CACHD1: variants seen among roughly 807,000 people sequenced by gnomAD.
CACHD1 encodes the protein cache domain containing 1, also known as VWFA and cache domain-containing protein 1.
Under a neutral mutation model 138.7 loss-of-function variants are expected in CACHD1, and 71 were observed. That is an observed-to-expected ratio of 0.51 (90% CI 0.42 to 0.62). The LOEUF is 0.62. CACHD1 is among the 20% of genes least tolerant of loss of function. The pLI, the probability that CACHD1 is intolerant of heterozygous loss-of-function variation, is 0.00. For synonymous variants in CACHD1, 578 were observed against 591.5 expected (o/e 0.98, Z 0.33); for missense variants, 1,389 against 1,625.3 (o/e 0.85, Z 2.50).
chr1:64,604,193 T>C (rs943628567), intron 4 of CACHD1, among the ~76,000 whole-genome samples: 1 of 152,172 alleles, frequency 6.6e-6, no homozygotes, highest in South Asian at 2.1e-4. Flanking sequence ...GAATAAGCTG[T>C]AAGTTGCATG....
chr1:64,515,886 CCTT>C (rs1646455651), intron 1 of CACHD1, among the ~76,000 whole-genome samples: 2 of 152,110 alleles, frequency 1.3e-5, no homozygotes, highest in South Asian at 4.1e-4. Flanking sequence ...TGACTTGACT[CCTT>C]CTTTTGCCTA....
At chr1:64,643,069 A>AAAAAAAC (rs1648779810) in intron 8 of CACHD1, among the ~76,000 whole-genome samples, 1 of 111,704 alleles carries the variant, frequency 9.0e-6, no homozygotes. Context: ...AAAAAAAAAA[A>AAAAAAAC]AAGCCATGTC....
At chr1:64,595,463 A>G (rs1023369921) in intron 3 of CACHD1, among the ~76,000 whole-genome samples, 1 of 152,162 alleles carries the variant, frequency 6.6e-6, no homozygotes, top group Admixed American at 6.5e-5. Flanking sequence ...TCAAGTCCCT[A>G]TTAGAGGTCA....
chr1:64,491,981 C>T (rs1161089070), intron 1 of CACHD1, among the ~76,000 whole-genome samples: 1 of 151,848 alleles, frequency 6.6e-6, no homozygotes. Flanking sequence ...CAGTGAGACA[C>T]TAGCTTTGCT....
chr1:64,487,286 G>T (rs1646248262), intron 1 of CACHD1, among the ~76,000 whole-genome samples: 1 of 152,132 alleles, frequency 6.6e-6, no homozygotes, highest in South Asian at 2.1e-4. Context: ...CCTCAGGCTG[G>T]TTTTGCCTGT....
At chr1:64,545,007 A>G (rs1291234053) in intron 1 of CACHD1, among the ~76,000 whole-genome samples, 1 of 151,932 alleles carries the variant, frequency 6.6e-6, no homozygotes, top group East Asian at 1.9e-4. Context: ...TTGCTAGGTG[A>G]CTCTTCAGTT....
Position 64,679,761 on chromosome 1 carries a change from G to A in CACHD1, c.3406+5G>A. 6.2e-7 allele frequency: 1 copy of A among 1,613,096 alleles called. No individual in the cohort carries two copies. The highest frequency in any genetic ancestry group is 1.3e-5 in the African/African-American group (1 of 75,020). ...TGTCTCCTCTTGCTGCCCAAGGTGA[G>A]CTCAAAATGAACCCCACAGGGGAGG... On this transcript the variant is annotated splice_donor_5th_base_variant and intron_variant, in intron 24 of 26. Transcript: ENST00000651257.
Position 64,666,063 on chromosome 1 carries a change from C to T in CACHD1, c.2283C>T (p.Leu761=). 6.3e-7 allele frequency: 1 copy of T among 1,585,156 alleles called. No individual in the cohort carries two copies. Among genetic ancestry groups the T allele is most frequent in the Non-Finnish European group, 8.6e-7 (1 of 1,156,178 alleles). The change falls in exon 16 of 27, where the codon CTC becomes CTT. Residue 761 remains leucine (L), a synonymous_variant. Transcript: ENST00000651257. The stretch of plus-strand genomic sequence containing the variant: ...TTTCTTTGGTCTCCATTAGGTATCT[C>T]CATGCAGTAGCTAATCCAGGGTTGA... The part of the protein sequence containing the change: ...AFDPTRRQWY[L]HAVANPGLIS...
chr1:64,492,166 T>G (rs1210830336), intron 1 of CACHD1, among the ~76,000 whole-genome samples: 1 of 151,334 alleles, frequency 6.6e-6, no homozygotes, highest in East Asian at 2.0e-4. Context: ...AAAAAAATTG[T>G]TTTCATCTAG....
chr1:64,503,470 G>A (rs1189735997), intron 1 of CACHD1, among the ~76,000 whole-genome samples: 1 of 152,146 alleles, frequency 6.6e-6, no homozygotes, highest in Admixed American at 6.5e-5. Context: ...AATCATCTTT[G>A]TTCATACAAA....
chr1:64,665,738 C>T (rs12046697), intron 15 of CACHD1, among the ~76,000 whole-genome samples: 2 of 151,902 alleles, frequency 1.3e-5, no homozygotes, highest in Non-Finnish European at 2.9e-5. Context: ...ATGACTTGGC[C>T]GGGTGCGGTG....
At chr1:64,521,387 T>C (rs1646497187) in intron 1 of CACHD1, among the ~76,000 whole-genome samples, 1 of 152,222 alleles carries the variant, frequency 6.6e-6, no homozygotes, top group South Asian at 2.1e-4. Context: ...GTTCATGTAA[T>C]TAGTTTAGGC....
At chr1:64,625,592 A>G (rs376487811) in intron 4 of CACHD1, among the ~76,000 whole-genome samples, 4 of 151,504 alleles carry the variant, frequency 2.6e-5, no homozygotes, top group African/African-American at 9.7e-5. Context: ...GCACCACTGC[A>G]CTCCAGCCTG....
At chr1:64,562,602 T>C (rs1235014293) in intron 2 of CACHD1, among the ~76,000 whole-genome samples, 1 of 149,754 alleles carries the variant, frequency 6.7e-6, no homozygotes, top group African/African-American at 2.5e-5. Context: ...TTTTGTATTT[T>C]AGTAGAGATG....
chr1:64,488,653 C>T (rs1021301076), intron 1 of CACHD1, among the ~76,000 whole-genome samples: 1 of 152,174 alleles, frequency 6.6e-6, no homozygotes, highest in Non-Finnish European at 1.5e-5. Flanking sequence ...AGTTACAAGA[C>T]TGAGATCAAA....
chr1:64,566,484 C>CCCCG (rs1285028508), intron 2 of CACHD1, among the ~76,000 whole-genome samples: 8 of 141,994 alleles, frequency 5.6e-5, no homozygotes, highest in Non-Finnish European at 1.1e-4. Flanking sequence ...TCAATTCCCC[C>CCCCG]CCCCCCACAA....
intron 13 of CACHD1, among the ~76,000 whole-genome samples, chr1:64,660,677 C>T (rs1332124088): frequency 6.6e-6 from 1 of 151,946 alleles, no homozygotes; most frequent in South Asian, 2.1e-4. Context: ...ATTACAGTTG[C>T]GCACCACCAC....
chr1:64,565,938 G>A (rs761207613), intron 2 of CACHD1, among the ~76,000 whole-genome samples: 5 of 152,200 alleles, frequency 3.3e-5, no homozygotes, highest in East Asian at 3.9e-4. Context: ...TCAGCATTAC[G>A]TATTGAATGT....
At position 64,678,209 on chromosome 1, in the gene CACHD1, G is replaced by A. The variant is rs767591765; in HGVS notation, c.3143G>A (p.Gly1048Glu). ...DCEWCMVDSD[G>E]KTHLDKPYCA... ...GAATGGTGCATGGTGGACAGTGATG[G>A]AAAGACTCACCTGGACAAACCCTAC... The change falls in exon 23 of 27, where the codon GGA (glycine) becomes GAA (glutamate). Residue 1048 changes from glycine to glutamate, a missense_variant. Physicochemically the swap from Gly to Glu is moderately conservative, Grantham distance 98. Coordinates refer to ENST00000651257, the MANE Select transcript of CACHD1 (RefSeq NM_020925.4). 14 of 1,612,454 alleles carry A rather than the reference G, an allele frequency of 8.7e-6. No homozygotes were observed. The Admixed American group carries it at 1.2e-4, about 14-fold the overall frequency.
Sources: allele counts gnomAD v4.1 joint callset (sites outside exome capture counted in the v4.1 genomes callset), GRCh38; gene constraint gnomAD v4.1.1; transcripts MANE v1.5; gene names NCBI Gene and HGNC (gene_info 2026-07-23, HGNC 2026-07-21).